MTUS2: variants seen among roughly 807,000 people sequenced by gnomAD.
The protein encoded by MTUS2 is microtubule associated scaffold protein 2.
MTUS2 carries 40 observed loss-of-function variants against 114.1 expected under a neutral mutation model. The observed-to-expected ratio is 0.35, with a 90% CI of 0.27 to 0.46. The LOEUF (loss-of-function observed/expected upper bound fraction) is 0.46, where lower values mean the gene tolerates loss of function less well. Ranked by LOEUF, MTUS2 falls within the 20% of genes least tolerant of loss-of-function variation. The pLI, the probability that MTUS2 is intolerant of heterozygous loss-of-function variation, is 1.00. For missense variants in MTUS2, 1,679 were observed against 1,705.4 expected, an observed-to-expected ratio of 0.98 and a Z score of 0.27; for synonymous variants, 688 against 672.0, an observed-to-expected ratio of 1.02 and a Z score of -0.37.
chr13:29,500,539 T>C (rs1399452178), intron 14 of MTUS2, among the ~76,000 whole-genome samples: 1 of 152,194 alleles, frequency 6.6e-6, no homozygotes, highest in African/African-American at 2.4e-5. Flanking sequence ...TCTTGCGCTT[T>C]GCATTCCTGG....
chr13:29,122,506 A>T (rs958233626), intron 5 of MTUS2, among the ~76,000 whole-genome samples: 2 of 152,186 alleles, frequency 1.3e-5, no homozygotes, highest in African/African-American at 4.8e-5. Context: ...TCATGAGAAC[A>T]GCATGAGGAT....
intron 5 of MTUS2, chr13:29,240,074 A>G (rs1377933680): frequency 6.6e-6 from 1 of 152,172 alleles, no homozygotes. Context: ...AGGGTGAAGA[A>G]CTGCTGAAGT....
At chr13:28,946,027 A>G (rs942508853) in intron 2 of MTUS2, among the ~76,000 whole-genome samples, 6 of 152,188 alleles carry the variant, frequency 3.9e-5, no homozygotes, top group Non-Finnish European at 8.8e-5. Flanking sequence ...ACAGCTATAG[A>G]TATGTAAAAG....
At chr13:29,058,889 A>T (rs1322385) in intron 4 of MTUS2, among the ~76,000 whole-genome samples, 85,198 of 151,882 alleles carry the variant, frequency 0.56, 24,616 homozygotes, top group South Asian at 0.73. Flanking sequence ...AAATTCTTGA[A>T]GTGAATTTTT....
At chr13:28,987,274 A>G (rs1205607456) in intron 2 of MTUS2, among the ~76,000 whole-genome samples, 5 of 152,186 alleles carry the variant, frequency 3.3e-5, no homozygotes, top group Non-Finnish European at 7.3e-5. Flanking sequence ...GAGTGGAGAC[A>G]CACAGAGGGT....
chr13:28,917,600 G>A (rs184082189), intron 2 of MTUS2, among the ~76,000 whole-genome samples: 170 of 150,402 alleles, frequency 1.1e-3, no homozygotes, highest in African/African-American at 3.9e-3. Flanking sequence ...TTATTTGTTC[G>A]GGTAGTCTCT....
chr13:29,296,099 G>C (rs990657001), intron 6 of MTUS2, among the ~76,000 whole-genome samples: 1 of 152,164 alleles, frequency 6.6e-6, no homozygotes, highest in African/African-American at 2.4e-5. Context: ...CCATAAATTT[G>C]GGAGTGCAGA....
chr13:29,442,001 T>C (rs1877920829), intron 9 of MTUS2, among the ~76,000 whole-genome samples: 1 of 152,178 alleles, frequency 6.6e-6, no homozygotes, highest in African/African-American at 2.4e-5. Context: ...AGGCCTCTCC[T>C]CCTGAGCGAA....
chr13:29,043,247 G>T (rs959429740), intron 4 of MTUS2, among the ~76,000 whole-genome samples: 9 of 152,020 alleles, frequency 5.9e-5, no homozygotes, highest in South Asian at 2.1e-4. Context: ...TGCTTTTGAG[G>T]GTTCCTTTTC....
At chr13:29,336,531 C>T (rs543580639) in intron 7 of MTUS2, among the ~76,000 whole-genome samples, 4 of 152,244 alleles carry the variant, frequency 2.6e-5, no homozygotes, top group Non-Finnish European at 4.4e-5. Flanking sequence ...CCCGAAAGGG[C>T]ACCCGCCGGA....
chr13:29,099,566 G>C (rs1890322773), intron 4 of MTUS2, among the ~76,000 whole-genome samples: 1 of 152,076 alleles, frequency 6.6e-6, no homozygotes, highest in Non-Finnish European at 1.5e-5. Context: ...ATTTATAGAC[G>C]TGGAATTTTT....
chr13:29,212,880 T>C (rs7339092), intron 5 of MTUS2, among the ~76,000 whole-genome samples: 12,616 of 152,134 alleles, frequency 0.083, 676 homozygotes, highest in African/African-American at 0.14. Flanking sequence ...GACTGACTAT[T>C]AACTCAATCT....
At chr13:29,151,027 C>T (rs1297794147) in intron 5 of MTUS2, among the ~76,000 whole-genome samples, 2 of 151,956 alleles carry the variant, frequency 1.3e-5, no homozygotes, top group African/African-American at 4.8e-5. Flanking sequence ...TATTTGGGCT[C>T]TTTTTTGGTT....
At chr13:29,378,830 A>G (rs1871959791) in intron 8 of MTUS2, among the ~76,000 whole-genome samples, 1 of 152,034 alleles carries the variant, frequency 6.6e-6, no homozygotes, top group Non-Finnish European at 1.5e-5. Flanking sequence ...TGCTCACTTC[A>G]TGCTATGGTC....
chr13:28,896,563 T>C (rs1879281996), intron 2 of MTUS2, among the ~76,000 whole-genome samples: 1 of 152,176 alleles, frequency 6.6e-6, no homozygotes, highest in Non-Finnish European at 1.5e-5. Flanking sequence ...TTAAAGTTCA[T>C]ATGGAACCAA....
rs141030230 is a variant in MTUS2 at position 29,271,736 on chromosome 13, C to G, written c.2645-9968C>G. Among the ~76,000 whole-genome samples the G allele has an allele frequency of 2.5e-3, 383 of 152,314 alleles. 2 individuals are homozygous for G. Among genetic ancestry groups the G allele is most frequent in the African/African-American group, 7.6e-3 (314 of 41,578 alleles). ...TGCTTACTGTATCTTTCCTGAATTT[C>G]TGCAAATAGACACAGTCACATGAAA... On this transcript the variant is annotated intron_variant, in intron 5 of 15. Transcript: ENST00000612955.
chr13:28,936,705 G>A (rs1190865475), intron 2 of MTUS2, among the ~76,000 whole-genome samples: 1 of 152,158 alleles, frequency 6.6e-6, no homozygotes, highest in African/African-American at 2.4e-5. Flanking sequence ...AGGCATTTCC[G>A]GTGTCCCCTG....
chr13:28,909,104 A>C (rs1423663805), intron 2 of MTUS2, among the ~76,000 whole-genome samples: 2 of 151,468 alleles, frequency 1.3e-5, no homozygotes, highest in Non-Finnish European at 2.9e-5. Context: ...CTTGTAGTAT[A>C]GTTTGAAGTC....
At chr13:29,493,279 G>A (rs1333475406) in intron 12 of MTUS2, among the ~76,000 whole-genome samples, 1 of 152,164 alleles carries the variant, frequency 6.6e-6, no homozygotes, top group Non-Finnish European at 1.5e-5. Context: ...AGAGAATGCA[G>A]GTGTCCCAGA....
Sources: gnomAD v4.1 joint callset for allele counts (sites outside exome capture counted in the v4.1 genomes callset) on GRCh38, gnomAD v4.1.1 for gene constraint, MANE v1.5 for transcripts, NCBI Gene and HGNC (gene_info 2026-07-23, HGNC 2026-07-21) for gene names.